CCSER1: variants seen among roughly 807,000 people sequenced by gnomAD.
CCSER1 encodes serine-rich coiled-coil domain-containing protein 1.
CCSER1 carries 41 observed loss-of-function variants against 82.0 expected under a neutral mutation model. That is an observed-to-expected ratio of 0.50 (90% CI 0.39 to 0.65). The LOEUF (loss-of-function observed/expected upper bound fraction) is 0.65. CCSER1 is among the 30% of genes least tolerant of loss of function. The pLI is 0.00. For missense variants in CCSER1, 1,119 were observed against 1,064.2 expected (o/e 1.05, Z -0.72); for synonymous variants, 414 against 383.9 (o/e 1.08, Z -0.92).
At chr4:91,491,270 G>T (rs1758527321) in intron 10 of CCSER1, among the ~76,000 whole-genome samples, 1 of 151,870 alleles carries the variant, frequency 6.6e-6, no homozygotes, top group South Asian at 2.1e-4. Flanking sequence ...CAAGCTCCAT[G>T]TGCCCTCTCC....
At chr4:91,247,607 G>T (rs1474300685) in intron 10 of CCSER1, among the ~76,000 whole-genome samples, 3 of 152,066 alleles carry the variant, frequency 2.0e-5, no homozygotes, top group Admixed American at 1.3e-4. Flanking sequence ...GGTGGCTCAT[G>T]CCTGTAATCC....
intron 7 of CCSER1, chr4:90,781,491 G>A: frequency 1.0e-6 from 1 of 985,110 alleles, no homozygotes; most frequent in South Asian, 4.7e-5. Context: ...GGAACTGAGT[G>A]TGTAATCTTC....
intron 1 of CCSER1, among the ~76,000 whole-genome samples, chr4:90,228,500 A>G (rs1017133044): frequency 7.2e-5 from 11 of 152,184 alleles, no homozygotes. Context: ...CCAAAAGTAG[A>G]TAAAACCACC....
At chr4:90,536,760 C>G (rs1041554553) in intron 5 of CCSER1, among the ~76,000 whole-genome samples, 4 of 152,130 alleles carry the variant, frequency 2.6e-5, no homozygotes, top group African/African-American at 9.7e-5. Flanking sequence ...ATCTTTTTCA[C>G]CATTGTTTCT....
intron 10 of CCSER1, among the ~76,000 whole-genome samples, chr4:91,317,627 G>C (rs937289859): frequency 7.2e-6 from 1 of 138,534 alleles, no homozygotes; most frequent in African/African-American, 2.9e-5. Flanking sequence ...TGCGCATGTG[G>C]GTGTGGGTGC....
chr4:90,850,730 G>GA (rs1352073080), intron 8 of CCSER1, among the ~76,000 whole-genome samples: 1 of 152,190 alleles, frequency 6.6e-6, no homozygotes, highest in Non-Finnish European at 1.5e-5. Context: ...CTTATAGGTG[G>GA]AAAGGACTTG....
intron 9 of CCSER1, among the ~76,000 whole-genome samples, chr4:91,047,281 A>G (rs998091443): frequency 3.9e-5 from 6 of 152,190 alleles, no homozygotes; most frequent in African/African-American, 1.2e-4. Flanking sequence ...AAGCATATGT[A>G]TAACACATAC....
chr4:90,381,201 T>A (rs1749151259), intron 3 of CCSER1, among the ~76,000 whole-genome samples: 1 of 152,360 alleles, frequency 6.6e-6, no homozygotes. Flanking sequence ...ACCCTTGTGA[T>A]AATTAATATG....
intron 3 of CCSER1, among the ~76,000 whole-genome samples, chr4:90,315,695 G>A (rs1327573839): frequency 1.3e-5 from 2 of 151,950 alleles, no homozygotes; most frequent in African/African-American, 4.8e-5. Flanking sequence ...GTAGAGATGT[G>A]GTTTCACCAT....
intron 10 of CCSER1, among the ~76,000 whole-genome samples, chr4:91,558,236 C>T (rs963303700): frequency 6.6e-6 from 1 of 151,092 alleles, no homozygotes; most frequent in Non-Finnish European, 1.5e-5. Flanking sequence ...ATCCAAAAAA[C>T]AAAATATGTG....
intron 9 of CCSER1, among the ~76,000 whole-genome samples, chr4:90,993,300 G>A (rs1356485990): frequency 6.6e-6 from 1 of 151,816 alleles, no homozygotes; most frequent in African/African-American, 2.4e-5. Flanking sequence ...GTGTGCATGG[G>A]ACACAAACCT....
At position 90,289,949 on chromosome 4, in the gene CCSER1, G is replaced by C. The variant is rs528831991; in HGVS notation, c.-41-18295G>C. Reference sequence around the variant, plus strand: ...ATACTGTAGATTGCCCAAAGTTAGTGAGAGCAGAAACCAAAATCCAAACCT... The same window carrying C: ...ATACTGTAGATTGCCCAAAGTTAGTCAGAGCAGAAACCAAAATCCAAACCT... On this transcript the variant is annotated intron_variant, in intron 1 of 10. Transcript: ENST00000509176. Among the ~76,000 whole-genome samples, 27 of 151,742 alleles carry C rather than the reference G, an allele frequency of 1.8e-4. No homozygotes were observed. The South Asian group carries it at 5.6e-3, about 31-fold the overall frequency.
At chr4:90,585,749 T>A (rs1781930549) in intron 5 of CCSER1, among the ~76,000 whole-genome samples, 1 of 152,164 alleles carries the variant, frequency 6.6e-6, no homozygotes, top group African/African-American at 2.4e-5. Context: ...GACAAAGTAC[T>A]GATTTCTCAG....
At chr4:90,843,046 G>C in intron 8 of CCSER1, among the ~76,000 whole-genome samples, 1 of 152,144 alleles carries the variant, frequency 6.6e-6, no homozygotes, top group Non-Finnish European at 1.5e-5. Context: ...AGTCAGCACA[G>C]GTTAATAAAT....
chr4:91,152,868 G>A (rs1303093473), intron 10 of CCSER1, among the ~76,000 whole-genome samples: 1 of 151,984 alleles, frequency 6.6e-6, no homozygotes, highest in Non-Finnish European at 1.5e-5. Flanking sequence ...CTGGCTTGTA[G>A]AGTTTCTGCC....
intron 10 of CCSER1, among the ~76,000 whole-genome samples, chr4:91,469,085 C>T (rs963574886): frequency 5.3e-5 from 8 of 152,062 alleles, no homozygotes; most frequent in Admixed American, 2.6e-4. Flanking sequence ...ATGAAAGATT[C>T]GATGCAGATT....
intron 5 of CCSER1, among the ~76,000 whole-genome samples, chr4:90,566,432 TAA>T (rs146449432): frequency 2.0e-5 from 3 of 147,082 alleles, no homozygotes; most frequent in Admixed American, 1.4e-4. Flanking sequence ...CTCTGTAAAT[TAA>T]AAAAAAAAAG....
intron 1 of CCSER1, among the ~76,000 whole-genome samples, chr4:90,223,105 C>T (rs1742464458): frequency 6.6e-6 from 1 of 152,178 alleles, no homozygotes; most frequent in Non-Finnish European, 1.5e-5. Flanking sequence ...CTACACTCAT[C>T]TCCCTTCTGT....
At chr4:91,005,173 T>A (rs1251799810) in intron 9 of CCSER1, among the ~76,000 whole-genome samples, 1 of 152,170 alleles carries the variant, frequency 6.6e-6, no homozygotes, top group Non-Finnish European at 1.5e-5. Context: ...AAAGCCACTC[T>A]TCCTTGACTT....
Sources: allele counts gnomAD v4.1 joint callset (sites outside exome capture counted in the v4.1 genomes callset), GRCh38; gene constraint gnomAD v4.1.1; transcripts MANE v1.5; gene names NCBI Gene and HGNC (gene_info 2026-07-23, HGNC 2026-07-21).